Variants in HEATR4 observed in about 807,000 individuals in gnomAD.
HEATR4 encodes HEAT repeat containing 4, also known as HEAT repeat-containing protein 4.
In HEATR4, 95 loss-of-function variants were observed where a neutral mutation model predicts 108.8. That is an observed-to-expected ratio of 0.87 (90% CI 0.74 to 1.04). The LOEUF (loss-of-function observed/expected upper bound fraction) is 1.04. HEATR4 is among the 50% of genes least tolerant of loss of function. The probability of loss-of-function intolerance (pLI) is 0.00; values close to 1 mark genes in which losing one functional copy is unlikely to be tolerated. For synonymous variants in HEATR4, 443 were observed against 459.4 expected (o/e 0.96, Z 0.46); for missense variants, 1,152 against 1,253.8 (o/e 0.92, Z 1.23).
At chr14:73,615,435 GA>G in the HEATR4 span, among the ~76,000 whole-genome samples, 23 of 88,788 alleles carry the variant, frequency 2.6e-4, no homozygotes, top group Admixed American at 7.8e-4. Flanking sequence ...CAGCAACAAC[GA>G]AAAAAAAAAC....
the HEATR4 span, chr14:73,569,594 T>G: frequency 8.1e-6 from 13 of 1,602,124 alleles, no homozygotes; most frequent in South Asian, 1.3e-4. Flanking sequence ...GCGCCGACAC[T>G]CTTGGCGAGC....
chr14:73,591,661 A>G, the HEATR4 span: 1 of 349,070 alleles, frequency 2.9e-6, no homozygotes, highest in East Asian at 4.3e-5. Context: ...TTTCATTCCA[A>G]CAACCGAGGG....
At chr14:73,590,876 G>T in the HEATR4 span, among the ~76,000 whole-genome samples, 1 of 152,176 alleles carries the variant, frequency 6.6e-6, no homozygotes, top group Admixed American at 6.5e-5. Context: ...CCAGAAAGGG[G>T]CTCCCACAGT....
the HEATR4 span, among the ~76,000 whole-genome samples, chr14:73,606,788 C>T: frequency 0.38 from 57,561 of 151,946 alleles, 12,328 homozygotes; most frequent in East Asian, 0.69. Flanking sequence ...GGCCACTGTG[C>T]GAGAGATCAC....
chr14:73,632,276 G>A, the HEATR4 span, among the ~76,000 whole-genome samples: 9 of 151,926 alleles, frequency 5.9e-5, no homozygotes, highest in South Asian at 2.1e-4. Flanking sequence ...ATGCCTAGCC[G>A]GAAAACAAAT....
chr14:73,601,507 T>C, the HEATR4 span, among the ~76,000 whole-genome samples: 1 of 152,162 alleles, frequency 6.6e-6, no homozygotes, highest in African/African-American at 2.4e-5. Flanking sequence ...GAGATTGCAG[T>C]GAGCTGAGAT....
intron 5 of HEATR4, 56 bp downstream of exon 5, chr14:73,518,967 G>A: frequency 2.6e-6 from 4 of 1,549,818 alleles, no homozygotes; most frequent in Non-Finnish European, 3.5e-6. Flanking sequence ...GTAATGATGG[G>A]AAGTAGCCAC....
chr14:73,621,176 G>A, the HEATR4 span, among the ~76,000 whole-genome samples: 2 of 152,082 alleles, frequency 1.3e-5, no homozygotes, highest in African/African-American at 4.8e-5. Context: ...TCGCGCCACT[G>A]CCCTCCAGCC....
chr14:73,491,545 TG>T, intron 17 of HEATR4: 2 of 1,533,464 alleles, frequency 1.3e-6, no homozygotes, highest in South Asian at 1.2e-5. Flanking sequence ...ATAACACGGG[TG>T]GGGAGCCGGC....
At chr14:73,610,481 G>A in the HEATR4 span, among the ~76,000 whole-genome samples, 1 of 152,082 alleles carries the variant, frequency 6.6e-6, no homozygotes, top group African/African-American at 2.4e-5. Context: ...AGTAGAGACA[G>A]GGTTTCACCA....
At chr14:73,511,500 C>T (rs538533143) in intron 7 of HEATR4, among the ~76,000 whole-genome samples, 1 of 150,702 alleles carries the variant, frequency 6.6e-6, no homozygotes, top group South Asian at 2.1e-4. Context: ...GCCTGGGTGA[C>T]AGAGCAAGAC....
At chr14:73,592,025 C>T in the HEATR4 span, 106 of 1,444,852 alleles carry the variant, frequency 7.3e-5, 1 homozygote, top group Middle Eastern at 6.7e-4. Flanking sequence ...TGCGCATTGC[C>T]GTGCGCGGCC....
At chr14:73,537,822 T>C in intron 1 of HEATR4, 1 of 1,208,750 alleles carries the variant, frequency 8.3e-7, no homozygotes, top group Non-Finnish European at 1.1e-6. Flanking sequence ...CCGCCCGGGG[T>C]GCGGCGCGAG....
Position 73,545,038 on chromosome 14 carries a change from C to A in HEATR4, c.-152+13713G>T, listed in dbSNP as rs1329529366. The stretch of plus-strand genomic sequence containing the variant: ...AGTTGTATTTAAAAGAAAAAAAAAA[C>A]CTTAATTTATTATTATTTTCTTTCC... On this transcript the variant is annotated intron_variant, in intron 1 of 17. Transcript: ENST00000553558. Among the ~76,000 whole-genome samples the A allele has an allele frequency of 7.2e-5, 8 of 110,938 alleles. 3 individuals are homozygous for A. Among genetic ancestry groups the A allele is most frequent in the Non-Finnish European group, 9.8e-5 (5 of 51,208 alleles). 72.8% of individuals were successfully genotyped at this position (110,938 alleles called of 152,430 possible). A position where few individuals can be genotyped will look rare whatever the true frequency, so the allele number is the denominator to read the frequency against.
At chr14:73,525,546 G>A (rs1331645534) in intron 2 of HEATR4, among the ~76,000 whole-genome samples, 1 of 152,190 alleles carries the variant, frequency 6.6e-6, no homozygotes, top group Non-Finnish European at 1.5e-5. Context: ...TCCTGAAACA[G>A]TGGCTACTCC....
intron 17 of HEATR4, chr14:73,491,004 G>A (rs1395028311): frequency 1.4e-6 from 2 of 1,408,722 alleles, no homozygotes; most frequent in South Asian, 1.6e-5. Context: ...GGGGAAGACT[G>A]GTGTGGTCTG....
the HEATR4 span, among the ~76,000 whole-genome samples, chr14:73,613,351 CTTA>C: frequency 2.0e-5 from 3 of 152,078 alleles, no homozygotes; most frequent in Admixed American, 6.6e-5. Flanking sequence ...GTGCATTCAA[CTTA>C]TTATATATTT....
intron 17 of HEATR4, chr14:73,491,929 C>G: frequency 6.2e-7 from 1 of 1,613,734 alleles, no homozygotes; most frequent in Non-Finnish European, 8.5e-7. Context: ...CGCAGGCTTT[C>G]TCTACTACTG....
At chr14:73,594,536 A>G in the HEATR4 span, among the ~76,000 whole-genome samples, 5 of 152,134 alleles carry the variant, frequency 3.3e-5, no homozygotes, top group Non-Finnish European at 7.4e-5. Flanking sequence ...TGTGTTTGCC[A>G]TGTGTTCAGC....
Sources: gnomAD v4.1 joint callset for allele counts (sites outside exome capture counted in the v4.1 genomes callset) on GRCh38, gnomAD v4.1.1 for gene constraint, MANE v1.5 for transcripts, NCBI Gene and HGNC (gene_info 2026-07-23, HGNC 2026-07-21) for gene names.